EYA2: variants seen among roughly 807,000 people sequenced by gnomAD.
The protein encoded by EYA2 is protein phosphatase EYA2.
Under a neutral mutation model 69.2 loss-of-function variants are expected in EYA2, and 31 were observed. The ratio of observed to expected loss-of-function variants is 0.45; its 90% CI spans 0.34 to 0.60. The LOEUF is 0.60. Among genes scored for constraint, EYA2 ranks in the 20% least tolerant of loss-of-function variants. The probability of loss-of-function intolerance (pLI) is 0.02; values close to 1 mark genes in which losing one functional copy is unlikely to be tolerated. For missense variants in EYA2, 622 were observed against 701.2 expected (o/e 0.89, Z 1.28); for synonymous variants, 257 against 279.4 (o/e 0.92, Z 0.80).
At chr20:47,092,104 C>A (rs1244216550) in intron 8 of EYA2, among the ~76,000 whole-genome samples, 1 of 152,146 alleles carries the variant, frequency 6.6e-6, no homozygotes, top group Non-Finnish European at 1.5e-5. Flanking sequence ...ATGTTCAGGG[C>A]ATTTGATATT....
At chr20:46,943,789 A>G (rs1266061444) in intron 1 of EYA2, among the ~76,000 whole-genome samples, 1 of 152,106 alleles carries the variant, frequency 6.6e-6, no homozygotes, top group Non-Finnish European at 1.5e-5. Context: ...AGGGAAACTT[A>G]CCCCATGTTT....
chr20:47,110,005 A>G (rs1457915897), intron 9 of EYA2, among the ~76,000 whole-genome samples: 2 of 152,144 alleles, frequency 1.3e-5, no homozygotes, highest in African/African-American at 4.8e-5. Flanking sequence ...GAGGACACTC[A>G]GGCTTCCTCA....
intron 10 of EYA2, among the ~76,000 whole-genome samples, chr20:47,158,690 A>G (rs1479033863): frequency 1.3e-5 from 2 of 151,978 alleles, no homozygotes; most frequent in East Asian, 3.9e-4. Context: ...CAAGAACTAT[A>G]TGATTATCCC....
chr20:46,978,648 A>G, intron 1 of EYA2: 1 of 534,780 alleles, frequency 1.9e-6, no homozygotes, highest in Non-Finnish European at 3.8e-6. Context: ...TGAGGCGGGC[A>G]GGTTCAGATT....
chr20:47,020,755 T>G (rs760157639), intron 5 of EYA2, among the ~76,000 whole-genome samples: 13 of 152,190 alleles, frequency 8.5e-5, no homozygotes, highest in African/African-American at 2.4e-5. Context: ...TTTCCTCACC[T>G]GTGAAACTGG....
chr20:46,935,248 T>C (rs1367442299), intron 1 of EYA2, among the ~76,000 whole-genome samples: 1 of 152,208 alleles, frequency 6.6e-6, no homozygotes, highest in Non-Finnish European at 1.5e-5. Context: ...GGGAACATTT[T>C]TGTAGCATCT....
chr20:46,946,265 C>T (rs1175364645), intron 1 of EYA2, among the ~76,000 whole-genome samples: 1 of 152,120 alleles, frequency 6.6e-6, no homozygotes, highest in Non-Finnish European at 1.5e-5. Context: ...AGGTCTTGCC[C>T]GTGGAGACGA....
At chr20:46,910,004 T>C (rs1057336662) in intron 1 of EYA2, among the ~76,000 whole-genome samples, 1 of 152,266 alleles carries the variant, frequency 6.6e-6, no homozygotes, top group Non-Finnish European at 1.5e-5. Context: ...AGATTATCTT[T>C]TATTTCAAGT....
chr20:47,138,104 C>T (rs1203132153), intron 9 of EYA2, among the ~76,000 whole-genome samples: 4 of 151,310 alleles, frequency 2.6e-5, no homozygotes, highest in African/African-American at 7.3e-5. Flanking sequence ...CTAACCTGCA[C>T]ATTGTGCACA....
At chr20:46,971,399 A>G (rs890232101) in intron 1 of EYA2, among the ~76,000 whole-genome samples, 4 of 152,180 alleles carry the variant, frequency 2.6e-5, no homozygotes, top group Admixed American at 6.5e-5. Flanking sequence ...GTTCTATCCA[A>G]TAGGAATGGG....
chr20:47,124,581 A>T (rs918962113), intron 9 of EYA2, among the ~76,000 whole-genome samples: 1 of 152,282 alleles, frequency 6.6e-6, no homozygotes, highest in Non-Finnish European at 1.5e-5. Context: ...ATGACTTTCC[A>T]TAAACAAACC....
intron 9 of EYA2, among the ~76,000 whole-genome samples, chr20:47,101,780 G>A (rs945383689): frequency 3.9e-5 from 6 of 152,226 alleles, no homozygotes; most frequent in Non-Finnish European, 8.8e-5. Context: ...TAATAAGGAT[G>A]TAGAGGAGAA....
At chr20:46,899,093 A>G (rs1193188902) in intron 1 of EYA2, among the ~76,000 whole-genome samples, 1 of 152,178 alleles carries the variant, frequency 6.6e-6, no homozygotes, top group East Asian at 1.9e-4. Flanking sequence ...CATTATTTCA[A>G]CTTTGTTAAC....
At chr20:46,939,492 TACCCCTAGG>T (rs1200772794) in intron 1 of EYA2, among the ~76,000 whole-genome samples, 11 of 152,204 alleles carry the variant, frequency 7.2e-5, no homozygotes, top group African/African-American at 2.7e-4. Context: ...TGAAGCTAAC[TACCCCTAGG>T]GGTTCCAGTT....
intron 5 of EYA2, among the ~76,000 whole-genome samples, chr20:47,036,648 A>G (rs1984730973): frequency 6.6e-6 from 1 of 152,230 alleles, no homozygotes; most frequent in African/African-American, 2.4e-5. Context: ...AGGCTTCAGT[A>G]CAGCTTGGTT....
At chr20:47,088,464 C>T (rs1348804132) in intron 7 of EYA2, among the ~76,000 whole-genome samples, 4 of 152,102 alleles carry the variant, frequency 2.6e-5, no homozygotes, top group African/African-American at 4.8e-5. Flanking sequence ...ATGCATAACT[C>T]CTCCATCATT....
chr20:47,040,947 T>G (rs1985029560), intron 5 of EYA2, among the ~76,000 whole-genome samples: 1 of 152,172 alleles, frequency 6.6e-6, no homozygotes, highest in African/African-American at 2.4e-5. Context: ...GCCAAGGGTT[T>G]CACAGAACAC....
chr20:47,006,097 G>A (rs1189285096), intron 4 of EYA2, among the ~76,000 whole-genome samples: 1 of 152,228 alleles, frequency 6.6e-6, no homozygotes, highest in African/African-American at 2.4e-5. Context: ...CTCCCACTGT[G>A]GTGGCAAAGA....
At chr20:46,963,685 A>G (rs1979617797) in intron 1 of EYA2, among the ~76,000 whole-genome samples, 2 of 152,118 alleles carry the variant, frequency 1.3e-5, no homozygotes, top group Admixed American at 6.5e-5. Context: ...CAAAAAAAAC[A>G]CCTCCCAAGG....
Sources: allele counts gnomAD v4.1 joint callset (sites outside exome capture counted in the v4.1 genomes callset), GRCh38; gene constraint gnomAD v4.1.1; transcripts MANE v1.5; gene names NCBI Gene and HGNC (gene_info 2026-07-23, HGNC 2026-07-21).